The following FBXO17 variants were observed in gnomAD, a reference collection of about 807,000 sequenced individuals.
FBXO17 encodes F-box protein 17.
FBXO17 carries 43 observed loss-of-function variants against 34.1 expected under a neutral mutation model. That is an observed-to-expected ratio of 1.26 (90% CI 0.99 to 1.62). FBXO17 has a LOEUF of 1.62. Ranked by LOEUF, FBXO17 falls within the 40% of genes most tolerant of loss-of-function variation. The pLI is 0.00. For synonymous variants in FBXO17, 169 were observed against 166.0 expected (o/e 1.02, Z -0.14); for missense variants, 424 against 386.7 (o/e 1.10, Z -0.81).
chr19:38,954,062 G>A (rs1354905909), intron 1 of FBXO17, among the ~76,000 whole-genome samples: 1 of 152,114 alleles, frequency 6.6e-6, no homozygotes, highest in Non-Finnish European at 1.5e-5. Context: ...TCAGAGAAAT[G>A]TCATATGGCT....
At chr19:38,962,956 T>C (rs1975273433) in intron 1 of FBXO17, among the ~76,000 whole-genome samples, 1 of 152,104 alleles carries the variant, frequency 6.6e-6, no homozygotes, top group Admixed American at 6.6e-5. Flanking sequence ...GTGATCCACC[T>C]GCCTTGCCTC....
intron 1 of FBXO17, among the ~76,000 whole-genome samples, chr19:38,974,753 C>G (rs149147784): frequency 6.6e-6 from 1 of 152,268 alleles, no homozygotes; most frequent in East Asian, 1.9e-4. Flanking sequence ...TCACGAGTTA[C>G]TTCTTGCCAT....
At chr19:38,952,948 C>T in intron 1 of FBXO17, 1 of 421,422 alleles carries the variant, frequency 2.4e-6, no homozygotes, top group Non-Finnish European at 4.9e-6. Context: ...TTTTACTCCC[C>T]CTCACCCTCC....
At chr19:38,957,197 G>T (rs1366818033) in intron 1 of FBXO17, among the ~76,000 whole-genome samples, 1 of 152,136 alleles carries the variant, frequency 6.6e-6, no homozygotes, top group Non-Finnish European at 1.5e-5. Flanking sequence ...ACTTCAGCCT[G>T]GGTGACAGAG....
intron 1 of FBXO17, among the ~76,000 whole-genome samples, chr19:38,970,680 G>T (rs573988227): frequency 6.6e-6 from 1 of 152,128 alleles, no homozygotes; most frequent in Non-Finnish European, 1.5e-5. Context: ...ATAGTCTTTA[G>T]TTACTCCCCT....
chr19:38,966,246 A>G (rs1264908906), intron 1 of FBXO17, among the ~76,000 whole-genome samples: 1 of 151,296 alleles, frequency 6.6e-6, no homozygotes, highest in Non-Finnish European at 1.5e-5. Flanking sequence ...CTGGGATTAC[A>G]GGCATGAGCC....
rs901242100 is a variant in FBXO17 at position 38,948,695 on chromosome 19, G to A, written c.350-17C>T. On this transcript the variant is annotated splice_polypyrimidine_tract_variant and intron_variant, in intron 2 of 5. Coordinates refer to ENST00000292852, the MANE Select transcript of FBXO17 (RefSeq NM_024907.7). ...TGAAGCCCTCTGTGGGAAAACAAGA[G>A]TTGAACATATGGTTCACCTGCCAGC... is the stretch of plus-strand genomic sequence containing the variant. 30 of 1,610,576 alleles carry A rather than the reference G, an allele frequency of 1.9e-5. No homozygotes were observed. The highest frequency in any genetic ancestry group is 2.5e-5 in the Non-Finnish European group (30 of 1,177,600).
Position 38,950,072 on chromosome 19 carries a change from G to C in FBXO17, c.248C>G (p.Pro83Arg). Residue 83 changes from proline to arginine, a missense_variant, in exon 2 of 6, where the codon CCC becomes CGC. Coordinates refer to ENST00000292852, the MANE Select transcript of FBXO17 (RefSeq NM_024907.7). ...ALYAVAQRCL[P>R]SNEDKEEFPL... Reference sequence around the variant, plus strand: ...GAACTCCTCCTTGTCTTCGTTGCTGGGCAGGCAGCGTTGAGCCACTGCGTA... The same window carrying C: ...GAACTCCTCCTTGTCTTCGTTGCTGCGCAGGCAGCGTTGAGCCACTGCGTA... The C allele has an allele frequency of 1.9e-6, 3 of 1,568,168 alleles. No homozygotes were observed. Among genetic ancestry groups the C allele is most frequent in the South Asian group, 1.2e-5 (1 of 85,496 alleles).
At chr19:38,956,122 G>A (rs149558516) in intron 1 of FBXO17, among the ~76,000 whole-genome samples, 1,736 of 151,906 alleles carry the variant, frequency 0.011, 34 homozygotes, top group African/African-American at 0.037. Context: ...AAAAAGTAGC[G>A]GAGCGTGGTG....
At chr19:38,957,851 C>T (rs1488122343) in intron 1 of FBXO17, among the ~76,000 whole-genome samples, 1 of 152,086 alleles carries the variant, frequency 6.6e-6, no homozygotes, top group Admixed American at 6.6e-5. Context: ...CCTGTAATTC[C>T]AGCACTTTGG....
Position 38,963,297 on chromosome 19 carries a change from C to CCTTTTTTTTTTTT in FBXO17, c.-18+12288_-18+12289insAAAAAAAAAAAAG, listed in dbSNP as rs397977753. Among the ~76,000 whole-genome samples the CCTTTTTTTTTTTT allele has an allele frequency of 4.0e-5, 3 of 75,892 alleles. 1 individual carries two copies. The highest frequency in any genetic ancestry group is 6.3e-5 in the African/African-American group (1 of 15,762). 49.8% of individuals were successfully genotyped at this position (75,892 alleles called of 152,430 possible). A position where few individuals can be genotyped will look rare whatever the true frequency, so the allele number is the denominator to read the frequency against. On this transcript the variant is annotated intron_variant, in intron 1 of 5. Coordinates refer to ENST00000292852, the MANE Select transcript of FBXO17 (RefSeq NM_024907.7). ...ATAATGTCCGTGTGATTCACTCATACTTTTTTTTTTTTTTTGAGGCAGGGT... is the reference window on the plus strand; with the variant it reads ...ATAATGTCCGTGTGATTCACTCATACCTTTTTTTTTTTTTTTTTTTTTTTTTTTGAGGCAGGGT...
intron 1 of FBXO17, among the ~76,000 whole-genome samples, chr19:38,974,146 A>G (rs1169536640): frequency 6.6e-6 from 1 of 150,600 alleles, no homozygotes; most frequent in Non-Finnish European, 1.5e-5. Flanking sequence ...CAATGGCACA[A>G]TCTTGGCTCA....
At chr19:38,960,529 G>C (rs1041046903) in intron 1 of FBXO17, among the ~76,000 whole-genome samples, 1 of 145,640 alleles carries the variant, frequency 6.9e-6, no homozygotes, top group African/African-American at 2.7e-5. Flanking sequence ...TTTTTTTTGA[G>C]ACAGAGTCTC....
At chr19:38,957,591 G>GC (rs545628150) in intron 1 of FBXO17, among the ~76,000 whole-genome samples, 39 of 152,204 alleles carry the variant, frequency 2.6e-4, no homozygotes, top group African/African-American at 8.2e-4. Context: ...TGATCCGCCC[G>GC]CCTAGGCCTC....
At chr19:38,946,269 G>T in intron 4 of FBXO17, 2 of 841,356 alleles carry the variant, frequency 2.4e-6, no homozygotes, top group Non-Finnish European at 3.6e-6. Context: ...ATGAGGGTGG[G>T]CAGGAGTGCA....
At chr19:38,955,565 C>A (rs1022139997) in intron 1 of FBXO17, among the ~76,000 whole-genome samples, 2 of 150,350 alleles carry the variant, frequency 1.3e-5, no homozygotes, top group Non-Finnish European at 3.0e-5. Flanking sequence ...CTCACTGCAA[C>A]CTCTGGCTCC....
At chr19:38,967,706 AG>A (rs1350525208) in intron 1 of FBXO17, among the ~76,000 whole-genome samples, 1 of 151,922 alleles carries the variant, frequency 6.6e-6, no homozygotes, top group African/African-American at 2.4e-5. Context: ...CTGGGACTAC[AG>A]ATGCACCCAC....
intron 1 of FBXO17, among the ~76,000 whole-genome samples, chr19:38,953,428 T>C (rs12974911): frequency 0.64 from 96,823 of 151,876 alleles, 31,765 homozygotes; most frequent in East Asian, 0.89. Flanking sequence ...TTTGGGAGGC[T>C]GAGGTGGGCA....
intron 1 of FBXO17, among the ~76,000 whole-genome samples, chr19:38,960,723 G>C (rs1233042937): frequency 6.6e-6 from 1 of 151,590 alleles, no homozygotes; most frequent in Admixed American, 6.6e-5. Context: ...GGCCAGGCTG[G>C]TCTTGAACTC....
Sources: allele counts gnomAD v4.1 joint callset (sites outside exome capture counted in the v4.1 genomes callset), GRCh38; gene constraint gnomAD v4.1.1; transcripts MANE v1.5; gene names NCBI Gene and HGNC (gene_info 2026-07-23, HGNC 2026-07-21).